Variants in MOB3B observed in about 807,000 individuals in gnomAD.
The protein encoded by MOB3B is MOB kinase activator-like 2B.
MOB3B carries 7 observed loss-of-function variants against 18.7 expected under a neutral mutation model. That is an observed-to-expected ratio of 0.37 (90% confidence interval 0.21 to 0.70). The LOEUF is 0.70. MOB3B is among the 30% of genes least tolerant of loss of function. The pLI is 0.52. For synonymous variants in MOB3B, 111 were observed against 99.9 expected (o/e 1.11, Z -0.66); for missense variants, 253 against 281.3 (o/e 0.90, Z 0.72).
At chr9:27,399,578 A>G (rs1042554942) in intron 2 of MOB3B, among the ~76,000 whole-genome samples, 32 of 152,166 alleles carry the variant, frequency 2.1e-4, no homozygotes, top group African/African-American at 7.5e-4. Context: ...ACCCAGGTGG[A>G]CCTTCACTGA....
chr9:27,520,461 T>C (rs1197365789), intron 1 of MOB3B, among the ~76,000 whole-genome samples: 1 of 152,222 alleles, frequency 6.6e-6, no homozygotes, highest in Non-Finnish European at 1.5e-5. Flanking sequence ...GGAGTCAAAA[T>C]GTTTCCTTAC....
chr9:27,393,203 G>C (rs777927038), intron 2 of MOB3B, among the ~76,000 whole-genome samples: 23 of 152,126 alleles, frequency 1.5e-4, no homozygotes, highest in Non-Finnish European at 2.1e-4. Flanking sequence ...TGTTTAAAAG[G>C]CTGTCTAGGT....
chr9:27,479,586 A>G lies in MOB3B; in HGVS notation c.-198-23838T>C, dbSNP rs145880999. Among the ~76,000 whole-genome samples the G allele has an allele frequency of 1.1e-4, 16 of 152,342 alleles. No individual in the cohort carries two copies. In the East Asian group the frequency reaches 2.9e-3, roughly 28 times the overall value. On this transcript the variant is annotated intron_variant, in intron 1 of 3. Transcript: ENST00000262244. ...CTAAGAAAAAGATAAATAAGCAATG[A>G]TAAGCAAAGAAGACAAACATGTTAG...
chr9:27,341,305 C>G (rs530031963), intron 3 of MOB3B, among the ~76,000 whole-genome samples: 11 of 152,292 alleles, frequency 7.2e-5, no homozygotes, highest in African/African-American at 2.4e-4. Flanking sequence ...GAGCATGGGT[C>G]CCTAAAGGAA....
intron 3 of MOB3B, among the ~76,000 whole-genome samples, chr9:27,355,564 T>TC (rs1440528598): frequency 0.022 from 1,139 of 52,028 alleles, 19 homozygotes; most frequent in African/African-American, 0.078. Context: ...TTTTTCTTCT[T>TC]TTTTTTTTTT....
chr9:27,334,010 T>C (rs1373661044), intron 3 of MOB3B, among the ~76,000 whole-genome samples: 2 of 152,236 alleles, frequency 1.3e-5, no homozygotes, highest in Non-Finnish European at 2.9e-5. Context: ...TCCTTTAAGA[T>C]GCAATTGTCA....
At chr9:27,353,293 C>T (rs1821135631) in intron 3 of MOB3B, among the ~76,000 whole-genome samples, 1 of 152,208 alleles carries the variant, frequency 6.6e-6, no homozygotes, top group African/African-American at 2.4e-5. Context: ...TGGTGATTCA[C>T]ATGCACATTA....
chr9:27,436,258 C>T (rs139611767), intron 2 of MOB3B, among the ~76,000 whole-genome samples: 1 of 152,330 alleles, frequency 6.6e-6, no homozygotes, highest in African/African-American at 2.4e-5. Context: ...AAACTTTTCA[C>T]ACTTGTAATT....
intron 2 of MOB3B, among the ~76,000 whole-genome samples, chr9:27,366,438 T>C (rs12552712): frequency 0.33 from 50,077 of 152,060 alleles, 8,888 homozygotes; most frequent in East Asian, 0.41. Flanking sequence ...CACTAAGCCC[T>C]CAAACATCTC....
rs575929682 is a variant in MOB3B, at chr9:27,440,194, A to G, written c.418+14939T>C. ...TGAGTCTGTCCACAGTGGGCAATAC[A>G]TATCTGCCCATCTGCAGGTTGAAGC... is the stretch of plus-strand genomic sequence containing the variant. On this transcript the variant is annotated intron_variant, in intron 2 of 3. Coordinates refer to ENST00000262244, the MANE Select transcript of MOB3B (RefSeq NM_024761.5). Among the ~76,000 whole-genome samples, 957 of 152,298 alleles carry G rather than the reference A, an allele frequency of 6.3e-3. 7 individuals are homozygous for G. Among genetic ancestry groups the G allele is most frequent in the Non-Finnish European group, 9.4e-3 (639 of 68,022 alleles).
At chr9:27,498,754 T>C (rs908292218) in intron 1 of MOB3B, among the ~76,000 whole-genome samples, 2 of 152,260 alleles carry the variant, frequency 1.3e-5, no homozygotes, top group Non-Finnish European at 2.9e-5. Context: ...TATTCAGTAC[T>C]AGCAGCAGTT....
At chr9:27,470,499 C>A (rs944526034) in intron 1 of MOB3B, among the ~76,000 whole-genome samples, 1 of 152,162 alleles carries the variant, frequency 6.6e-6, no homozygotes, top group Non-Finnish European at 1.5e-5. Context: ...AGCCTCCAGG[C>A]GACTTCTCCC....
chr9:27,445,588 T>C (rs986247628), intron 2 of MOB3B, among the ~76,000 whole-genome samples: 43 of 152,322 alleles, frequency 2.8e-4, no homozygotes, highest in African/African-American at 8.9e-4. Context: ...TCTTTTCCAC[T>C]TTGAGATGCC....
intron 3 of MOB3B, among the ~76,000 whole-genome samples, chr9:27,345,567 C>T (rs1048664859): frequency 2.6e-5 from 4 of 152,140 alleles, no homozygotes; most frequent in African/African-American, 9.7e-5. Context: ...TGGTTGCCCC[C>T]ACAGCTTCCT....
chr9:27,347,976 T>C (rs1821053193), intron 3 of MOB3B, among the ~76,000 whole-genome samples: 1 of 152,248 alleles, frequency 6.6e-6, no homozygotes, highest in Admixed American at 6.5e-5. Flanking sequence ...TCAGAATGTA[T>C]TCCCATCATT....
chr9:27,420,490 A>C (rs905389583), intron 2 of MOB3B, among the ~76,000 whole-genome samples: 2 of 144,708 alleles, frequency 1.4e-5, no homozygotes, highest in South Asian at 2.2e-4. Context: ...TATATTTCAT[A>C]TATATTCCAT....
chr9:27,512,530 T>C (rs1587269999), intron 1 of MOB3B, among the ~76,000 whole-genome samples: 1 of 152,342 alleles, frequency 6.6e-6, no homozygotes, highest in East Asian at 1.9e-4. Flanking sequence ...CCTTAAAGTA[T>C]AGAAAATTCA....
At chr9:27,397,642 A>T (rs1473968758) in intron 2 of MOB3B, 1 of 152,240 alleles carries the variant, frequency 6.6e-6, no homozygotes, top group African/African-American at 2.4e-5. Context: ...TAGTAATAAC[A>T]GAAGTTCCCT....
Position 27,489,684 on chromosome 9 carries a change from T to G in MOB3B, c.-198-33936A>C, listed in dbSNP as rs1419485822. On this transcript the variant is annotated intron_variant, in intron 1 of 3. Coordinates refer to ENST00000262244, the MANE Select transcript of MOB3B (RefSeq NM_024761.5). ...TGGAGCTACAAGTAGAAGCACAAATTTTCCTGGCTGGAAACAGGCCCCTAG... is the reference window on the plus strand; with the variant it reads ...TGGAGCTACAAGTAGAAGCACAAATGTTCCTGGCTGGAAACAGGCCCCTAG... 2.1e-5 allele frequency among the ~76,000 whole-genome samples: 3 copies of G among 143,750 alleles called. No homozygotes were observed. In the East Asian group the frequency reaches 6.5e-4, roughly 31 times the overall value. The allele number at this position is 143,750 out of a possible 152,430, so 94.3% of individuals were successfully genotyped here.
Sources: allele counts gnomAD v4.1 joint callset (sites outside exome capture counted in the v4.1 genomes callset), GRCh38; gene constraint gnomAD v4.1.1; transcripts MANE v1.5; gene names NCBI Gene and HGNC (gene_info 2026-07-23, HGNC 2026-07-21).